CACNA2D1: variants seen among roughly 807,000 people sequenced by gnomAD.
CACNA2D1 encodes the protein voltage-dependent calcium channel subunit alpha-2/delta-1.
A neutral mutation model predicts 171.5 loss-of-function variants in CACNA2D1; 53 were observed. That is an observed-to-expected ratio of 0.31 (90% CI 0.25 to 0.39). The LOEUF (loss-of-function observed/expected upper bound fraction) is 0.39, where lower values mean the gene tolerates loss of function less well. Among genes scored for constraint, CACNA2D1 ranks in the 10% least tolerant of loss-of-function variants. CACNA2D1 has a pLI of 1.00. For synonymous variants in CACNA2D1, 442 were observed against 443.1 expected, an observed-to-expected ratio of 1.00 and a Z score of 0.03; for missense variants, 903 against 1,299.8, an observed-to-expected ratio of 0.69 and a Z score of 4.69.
intron 3 of CACNA2D1, among the ~76,000 whole-genome samples, chr7:82,182,197 G>A (rs1161326056): frequency 1.3e-5 from 2 of 151,976 alleles, no homozygotes; most frequent in African/African-American, 4.8e-5. Flanking sequence ...TTTTATTTTA[G>A]TATTCTGGTT....
At chr7:82,179,527 C>T (rs543902771) in intron 3 of CACNA2D1, among the ~76,000 whole-genome samples, 2 of 152,076 alleles carry the variant, frequency 1.3e-5, no homozygotes, top group African/African-American at 4.8e-5. Flanking sequence ...GGCCTTCAAT[C>T]ACTTTGCATA....
intron 11 of CACNA2D1, among the ~76,000 whole-genome samples, chr7:82,037,478 TC>T (rs1237255387): frequency 2.9e-5 from 4 of 137,080 alleles, no homozygotes; most frequent in Non-Finnish European, 6.3e-5. Context: ...AAACTCCATT[TC>T]AAAAAAAAAA....
intron 1 of CACNA2D1, among the ~76,000 whole-genome samples, chr7:82,427,420 G>A (rs1165061936): frequency 1.3e-5 from 2 of 152,176 alleles, no homozygotes; most frequent in Non-Finnish European, 2.9e-5. Flanking sequence ...TAGGAGGTGA[G>A]CAATTATGTG....
chr7:82,003,726 A>C (rs994831019), intron 18 of CACNA2D1, among the ~76,000 whole-genome samples: 1 of 150,276 alleles, frequency 6.7e-6, no homozygotes, highest in Admixed American at 6.7e-5. Flanking sequence ...GAGATCCTTC[A>C]CACCCTTCAT....
At chr7:82,285,848 C>T (rs1215840410) in intron 3 of CACNA2D1, among the ~76,000 whole-genome samples, 5 of 152,112 alleles carry the variant, frequency 3.3e-5, no homozygotes, top group African/African-American at 4.8e-5. Context: ...CGTTAAAGTA[C>T]GCAACACTGG....
Position 82,109,964 on chromosome 7 carries a change from G to A in CACNA2D1, c.526+7080C>T, listed in dbSNP as rs190062011. On this transcript the variant is annotated intron_variant, in intron 6 of 38. Coordinates refer to ENST00000356860, the MANE Select transcript of CACNA2D1 (RefSeq NM_000722.4). ...GCTAAACCCTGATGAAGTGAATGAC[G>A]TCGTTTTTTACCCCAGGATTGTACA... Among the ~76,000 whole-genome samples, 27 of 152,230 alleles carry A rather than the reference G, an allele frequency of 1.8e-4. No homozygotes were observed. In the Middle Eastern group the frequency reaches 0.01, roughly 58 times the overall value.
intron 1 of CACNA2D1, among the ~76,000 whole-genome samples, chr7:82,388,721 T>G (rs1303123662): frequency 6.6e-6 from 1 of 152,182 alleles, no homozygotes; most frequent in Non-Finnish European, 1.5e-5. Flanking sequence ...ATGCTTAAGT[T>G]TACTGTAACA....
At chr7:82,305,431 T>C (rs1420632302) in intron 3 of CACNA2D1, among the ~76,000 whole-genome samples, 1 of 152,204 alleles carries the variant, frequency 6.6e-6, no homozygotes, top group Non-Finnish European at 1.5e-5. Context: ...AAGAATCTTA[T>C]TAGTGAAATA....
At chr7:82,179,510 T>G (rs1043454719) in intron 3 of CACNA2D1, among the ~76,000 whole-genome samples, 28 of 152,146 alleles carry the variant, frequency 1.8e-4, no homozygotes, top group African/African-American at 6.3e-4. Context: ...GTCACACTAA[T>G]TCCAAAGGCC....
intron 20 of CACNA2D1, 114 bp from the exon 21 acceptor site, chr7:81,991,360 A>G: frequency 1.5e-6 from 1 of 684,004 alleles, no homozygotes; most frequent in Non-Finnish European, 2.7e-6. Flanking sequence ...ACTCATCTTT[A>G]CAAAGGTATG....
chr7:82,333,626 C>T lies in CACNA2D1; in HGVS notation c.294+1509G>A, dbSNP rs531080527. On this transcript the variant is annotated intron_variant, in intron 3 of 38. Transcript: ENST00000356860. ...CTCCCACCACATCCCTCCCACAACA[C>T]GTGGGAATTATGGGAGCTACAATTC... is the stretch of plus-strand genomic sequence containing the variant. 2.0e-4 allele frequency among the ~76,000 whole-genome samples: 31 copies of T among 151,900 alleles called. No individual in the cohort carries two copies. The East Asian group carries it at 5.4e-3, about 27-fold the overall frequency.
chr7:82,060,148 ATG>A (rs1343199197), intron 10 of CACNA2D1, among the ~76,000 whole-genome samples: 1 of 70,238 alleles, frequency 1.4e-5, no homozygotes, highest in East Asian at 5.6e-4. Flanking sequence ...AATTATATAT[ATG>A]TATTATATAT....
At chr7:82,085,764 C>T (rs746733265) in intron 6 of CACNA2D1, among the ~76,000 whole-genome samples, 43 of 151,126 alleles carry the variant, frequency 2.8e-4, no homozygotes, top group African/African-American at 7.1e-4. Flanking sequence ...GATTTTGATA[C>T]GTATTTATAA....
intron 25 of CACNA2D1, among the ~76,000 whole-genome samples, chr7:81,972,913 G>C (rs1334840577): frequency 1.3e-5 from 2 of 151,860 alleles, no homozygotes; most frequent in South Asian, 4.2e-4. Flanking sequence ...TCCCTATTTT[G>C]GAGTACATTT....
At chr7:81,988,205 A>AAGT (rs1797171253) in intron 21 of CACNA2D1, among the ~76,000 whole-genome samples, 1 of 152,172 alleles carries the variant, frequency 6.6e-6, no homozygotes, top group African/African-American at 2.4e-5. Flanking sequence ...TTTATCATAA[A>AAGT]ATCATCTCTC....
At chr7:82,122,671 G>C (rs1054363813) in intron 5 of CACNA2D1, among the ~76,000 whole-genome samples, 1 of 152,130 alleles carries the variant, frequency 6.6e-6, no homozygotes, top group African/African-American at 2.4e-5. Flanking sequence ...ATTTTGGGAA[G>C]AGAGTGATAT....
intron 3 of CACNA2D1, among the ~76,000 whole-genome samples, chr7:82,236,454 T>C (rs1740943797): frequency 6.6e-6 from 1 of 152,090 alleles, no homozygotes; most frequent in South Asian, 2.1e-4. Context: ...ACATCTCTCC[T>C]ACACGTTTTT....
chr7:82,246,623 GAA>G (rs1213868161), intron 3 of CACNA2D1, among the ~76,000 whole-genome samples: 11 of 152,060 alleles, frequency 7.2e-5, no homozygotes, highest in Non-Finnish European at 8.8e-5. Flanking sequence ...GCTAAGAGAA[GAA>G]ACTTTCTTCT....
intron 7 of CACNA2D1, among the ~76,000 whole-genome samples, chr7:82,073,682 C>T (rs992145554): frequency 2.4e-4 from 36 of 152,102 alleles, no homozygotes; most frequent in African/African-American, 8.7e-4. Context: ...CTCATTTGAA[C>T]CTCTGCCTCC....
Sources: gnomAD v4.1 joint callset for allele counts (sites outside exome capture counted in the v4.1 genomes callset) on GRCh38, gnomAD v4.1.1 for gene constraint, MANE v1.5 for transcripts, NCBI Gene and HGNC (gene_info 2026-07-23, HGNC 2026-07-21) for gene names.